FARSA: variants seen among roughly 807,000 people sequenced by gnomAD.
FARSA encodes phenylalanyl-tRNA synthetase subunit alpha, also known as phenylalanine--tRNA ligase alpha subunit.
A neutral mutation model predicts 63.2 loss-of-function variants in FARSA; 37 were observed. The observed-to-expected ratio is 0.59, with a 90% CI of 0.45 to 0.77. FARSA has a LOEUF of 0.77. FARSA is among the 30% of genes least tolerant of loss of function. FARSA has a pLI of 0.00. For synonymous variants in FARSA, 312 were observed against 285.1 expected (o/e 1.09, Z -0.95); for missense variants, 618 against 696.6 (o/e 0.89, Z 1.27).
intron 7 of FARSA, among the ~76,000 whole-genome samples, 162 bp downstream of exon 7, chr19:12,928,180 T>A (rs991881253): frequency 9.9e-5 from 15 of 152,176 alleles, no homozygotes; most frequent in African/African-American, 3.4e-4. Context: ...CCTGGGCTCA[T>A]GCAATCCTCC....
Position 12,928,429 on chromosome 19 carries a change from T to C in FARSA, c.754A>G (p.Ile252Val). 2 of 1,613,988 alleles carry C rather than the reference T, an allele frequency of 1.2e-6. No individual in the cohort carries two copies. The highest frequency in any genetic ancestry group is 1.7e-6 in the Non-Finnish European group (2 of 1,179,982). The change falls in exon 7 of 13, where the codon ATT becomes GTT. Residue 252 changes from isoleucine (I) to valine (V), a missense_variant. Physicochemically the swap from Ile to Val is conservative, Grantham distance 29. Transcript: ENST00000314606. ...GFTEMPTDNF[I>V]ESSFWNFDAL... ...TCAAAGTTCCAGAAGGAGCTCTCAATGAAGTTATCAGTCGGCATCTCGGTG... is the reference window on the plus strand; with the variant it reads ...TCAAAGTTCCAGAAGGAGCTCTCAACGAAGTTATCAGTCGGCATCTCGGTG...
intron 1 of FARSA, among the ~76,000 whole-genome samples, chr19:12,931,164 T>C (rs1971390288): frequency 6.6e-6 from 1 of 152,204 alleles, no homozygotes; most frequent in Non-Finnish European, 1.5e-5. Flanking sequence ...GGTGTGATCA[T>C]AGCTCACTGC....
In FARSA at chr19:12,930,349, G is replaced by A; in HGVS notation, c.385-8C>T. 1 of 1,613,978 alleles carries A rather than the reference G, an allele frequency of 6.2e-7. No individual in the cohort carries two copies. Among genetic ancestry groups the A allele is most frequent in the Non-Finnish European group, 8.5e-7 (1 of 1,179,914 alleles). On this transcript the variant is annotated splice_polypyrimidine_tract_variant and splice_region_variant and intron_variant, in intron 3 of 12. Coordinates refer to ENST00000314606, the MANE Select transcript of FARSA (RefSeq NM_004461.3). ...ATCCTCCATGCTGTCCACCTGCCAG[G>A]ATAAGGAGTGTGAGGGGTATGAGGG... is the stretch of plus-strand genomic sequence containing the variant.
In FARSA at chr19:12,926,569, G is replaced by A. The variant is rs146382879; in HGVS notation, c.842-1395C>T. Among the ~76,000 whole-genome samples, 66 of 152,156 alleles carry A rather than the reference G, an allele frequency of 4.3e-4. 1 individual carries two copies. The highest frequency in any genetic ancestry group is 1.9e-3 in the South Asian group (9 of 4,818). ...ATTACAGGCGTGAGCCACCGCGCCC[G>A]GCCTAAAGAGACAAAGTCTTGCTCT... On this transcript the variant is annotated intron_variant, in intron 7 of 12. Transcript: ENST00000314606.
chr19:12,928,149 T>G (rs1971348620), intron 7 of FARSA, among the ~76,000 whole-genome samples, 193 bp downstream of exon 7: 1 of 152,164 alleles, frequency 6.6e-6, no homozygotes, highest in Non-Finnish European at 1.5e-5. Flanking sequence ...TTCCCTATGT[T>G]GCCTGAGCTG....
At position 12,932,292 on chromosome 19, in the gene FARSA, A is replaced by T. The variant is rs571007059; in HGVS notation, c.147+1258T>A. ...GTGATCCACCCGCCTTGGTCTCCCA[A>T]AGTGCTGGGATTACAGGTGTGACCA... On this transcript the variant is annotated intron_variant, in intron 1 of 12. Transcript: ENST00000314606. Among the ~76,000 whole-genome samples the T allele has an allele frequency of 2.0e-5, 3 of 152,206 alleles. No individual in the cohort carries two copies. In the South Asian group the frequency reaches 6.2e-4, roughly 32 times the overall value.
rs570887919 is a variant in FARSA at position 12,924,520 on chromosome 19, G to C, written c.1202C>G (p.Thr401Arg). Residue 401 changes from threonine to arginine, a missense_variant, in exon 11 of 13, where the codon ACG becomes AGG. By Grantham distance (71) the Thr-to-Arg change is moderately conservative. Coordinates refer to ENST00000314606, the MANE Select transcript of FARSA (RefSeq NM_004461.3). The surrounding 1 kb of genome is among the most constrained non-coding windows in gnomAD (Gnocchi z 6.4). Reference sequence around the variant, plus strand: ...GTAGGCTGGCTTGAAGCGGAGTTGCGTGATACCTGCAGGAAGTGGGGGGCG... The same window carrying C: ...GTAGGCTGGCTTGAAGCGGAGTTGCCTGATACCTGCAGGAAGTGGGGGGCG... ...LREFFTKLGITQLRFKPAYNP... is the reference protein window; with the variant it reads ...LREFFTKLGIRQLRFKPAYNP... The C allele has an allele frequency of 3.7e-6, 6 of 1,613,442 alleles. No homozygotes were observed. In the Admixed American group the frequency reaches 1.0e-4, roughly 27 times the overall value.
intron 1 of FARSA, 56 bp downstream of exon 1, chr19:12,933,494 G>T: frequency 6.6e-7 from 1 of 1,520,818 alleles, no homozygotes; most frequent in Non-Finnish European, 8.8e-7. Context: ...AGCGCCCGTG[G>T]CAAGGGGACT....
chr19:12,930,415 CCG>C lies in FARSA; in HGVS notation c.384+12_384+13del, dbSNP rs745481380. The C allele has an allele frequency of 6.2e-7, 1 of 1,613,470 alleles. No homozygotes were observed. The highest frequency in any genetic ancestry group is 2.2e-5 in the East Asian group (1 of 44,880). On this transcript the variant is annotated intron_variant, in intron 3 of 12. Transcript: ENST00000314606. ...CCCGTCCACCTGCCCCCTGACCAGC[CCG>C]CAGGAACGCACCACTCGGAACACCC...
intron 7 of FARSA, among the ~76,000 whole-genome samples, chr19:12,927,080 G>A (rs2145996565): frequency 6.6e-6 from 1 of 152,330 alleles, no homozygotes; most frequent in Non-Finnish European, 1.5e-5. Flanking sequence ...AGTGCTAAGG[G>A]CAATGAAAGA....
At position 12,924,181 on chromosome 19, in the gene FARSA, G is replaced by A. The variant is rs200181672; in HGVS notation, c.1358C>T (p.Ser453Leu). Residue 453 changes from serine (S) to leucine (L), a missense_variant, in exon 12 of 13, where the codon TCG (serine) becomes TTG (leucine). Coordinates refer to ENST00000314606, the MANE Select transcript of FARSA (RefSeq NM_004461.3). The surrounding 1 kb of genome is among the most constrained non-coding windows in gnomAD (Gnocchi z 6.4). The part of the protein sequence containing the change: ...LLPMGLPENV[S>L]VIAWGLSLER... ...CAGGGAGAGGCCCCAGGCAATGACC[G>A]ACACGTTCTCGGGAAGCCCCATGGG... The A allele has an allele frequency of 1.1e-5, 18 of 1,614,158 alleles. No individual in the cohort carries two copies. The highest frequency in any genetic ancestry group is 1.6e-4 in the Middle Eastern group (1 of 6,062).
Position 12,924,353 on chromosome 19 carries a change from G to C in FARSA, c.1274-88C>G. On this transcript the variant is annotated intron_variant, in intron 11 of 12. Transcript: ENST00000314606. This position sits in a 1 kb window ranked among gnomAD's most constrained non-coding sequence, Gnocchi z 6.4. The stretch of plus-strand genomic sequence containing the variant: ...GGTTCTGGGTCTAGGTGGTGAGCTT[G>C]GGAGGTGGGGTACAGGCATGGCAAT... The C allele has an allele frequency of 6.5e-7, 1 of 1,528,560 alleles. No individual in the cohort carries two copies. Among genetic ancestry groups the C allele is most frequent in the South Asian group, 1.1e-5 (1 of 89,356 alleles). 94.7% of individuals were successfully genotyped at this position (1,528,560 alleles called of 1,614,324 possible).
intron 12 of FARSA, among the ~76,000 whole-genome samples, 163 bp from the exon 13 acceptor site, chr19:12,923,049 C>T (rs144220394): frequency 6.6e-6 from 1 of 152,262 alleles, no homozygotes; most frequent in East Asian, 1.9e-4. Flanking sequence ...CCGCCTTCAG[C>T]CACACCAGCC....
intron 7 of FARSA, among the ~76,000 whole-genome samples, chr19:12,926,503 G>A (rs920908922): frequency 6.9e-6 from 1 of 145,738 alleles, no homozygotes; most frequent in Non-Finnish European, 1.5e-5. Context: ...TTGATCTCCT[G>A]ACCTCGCGAT....
intron 7 of FARSA, among the ~76,000 whole-genome samples, chr19:12,927,601 G>A (rs3111316): frequency 0.57 from 86,064 of 150,760 alleles, 25,251 homozygotes; most frequent in East Asian, 0.82. Flanking sequence ...GCGTGGTGGC[G>A]GGTGCCTGTA....
chr19:12,925,075 T>G lies in FARSA; in HGVS notation c.926+15A>C, dbSNP rs753737384. ...CAGCCTCCTTCCCTTCCATACCAGGTAAGTCCTGCCTCACCCCTGTGAGCC... is the reference window on the plus strand; with the variant it reads ...CAGCCTCCTTCCCTTCCATACCAGGGAAGTCCTGCCTCACCCCTGTGAGCC... On this transcript the variant is annotated intron_variant, in intron 8 of 12. Coordinates refer to ENST00000314606, the MANE Select transcript of FARSA (RefSeq NM_004461.3). The G allele has an allele frequency of 1.9e-6, 3 of 1,602,800 alleles. No homozygotes were observed. Among genetic ancestry groups the G allele is most frequent in the Non-Finnish European group, 2.5e-6 (3 of 1,179,730 alleles).
chr19:12,923,734 C>T (rs1189576355), intron 12 of FARSA, among the ~76,000 whole-genome samples: 5 of 152,242 alleles, frequency 3.3e-5, no homozygotes, highest in Non-Finnish European at 1.5e-5. Context: ...CCTGCTTCAG[C>T]CACCCACAGT....
At chr19:12,925,993 G>C (rs1322973772) in intron 7 of FARSA, among the ~76,000 whole-genome samples, 1 of 146,134 alleles carries the variant, frequency 6.8e-6, no homozygotes, top group Admixed American at 6.9e-5. Context: ...TTTTGAGACG[G>C]AGTCTCGCTC....
Position 12,933,500 on chromosome 19 carries a change from G to A in FARSA, c.147+50C>T, listed in dbSNP as rs766801753. 3.2e-5 allele frequency: 49 copies of A among 1,526,332 alleles called. 1 individual carries two copies. In the African/African-American group the frequency reaches 4.4e-4, roughly 14 times the overall value. 94.5% of individuals were successfully genotyped at this position (1,526,332 alleles called of 1,614,324 possible). On this transcript the variant is annotated intron_variant, in intron 1 of 12. Transcript: ENST00000314606. The stretch of plus-strand genomic sequence containing the variant: ...TGGACGTAGAGCGCCCGTGGCAAGG[G>A]GACTGTAGGTGCAAGGGCAAGGCGG...
Sources: gnomAD v4.1 joint callset for allele counts (sites outside exome capture counted in the v4.1 genomes callset) on GRCh38, gnomAD v4.1.1 for gene constraint, Gnocchi (gnomAD v3.1) non-coding constraint, MANE v1.5 for transcripts, NCBI Gene and HGNC (gene_info 2026-07-23, HGNC 2026-07-21) for gene names.